TJP3: variants seen among roughly 807,000 people sequenced by gnomAD.
The protein encoded by TJP3 is tight junction protein ZO-3.
TJP3 carries 85 observed loss-of-function variants against 104.2 expected under a neutral mutation model. The observed-to-expected ratio is 0.82, with a 90% CI of 0.68 to 0.98. TJP3 has a LOEUF of 0.98. Ranked by LOEUF, TJP3 falls within the 50% of genes least tolerant of loss-of-function variation. The pLI, the probability that TJP3 is intolerant of heterozygous loss-of-function variation, is 0.00. For synonymous variants in TJP3, 550 were observed against 550.6 expected (o/e 1.00, Z 0.02); for missense variants, 1,367 against 1,322.8 (o/e 1.03, Z -0.52).
intron 1 of TJP3, among the ~76,000 whole-genome samples, chr19:3,727,353 C>T (rs895234858): frequency 1.3e-5 from 2 of 151,242 alleles, no homozygotes; most frequent in Non-Finnish European, 2.9e-5. Context: ...CATGGTGGCA[C>T]ATGCCTGTAG....
At chr19:3,749,975 T>C (rs2036968194) in intron 19 of TJP3, among the ~76,000 whole-genome samples, 163 bp from the exon 20 acceptor site, 2 of 152,030 alleles carry the variant, frequency 1.3e-5, no homozygotes, top group Non-Finnish European at 2.9e-5. Flanking sequence ...CCAGCCTCAG[T>C]TTTCTCATTT....
chr19:3,735,699 G>A, intron 9 of TJP3, 60 bp downstream of exon 9: 3 of 1,609,002 alleles, frequency 1.9e-6, no homozygotes, highest in Middle Eastern at 1.7e-4. Context: ...CAGCAAGGCT[G>A]TGCCAGGCAG....
intron 8 of TJP3, among the ~76,000 whole-genome samples, chr19:3,734,824 G>C (rs1008853592): frequency 6.6e-6 from 1 of 152,132 alleles, no homozygotes; most frequent in African/African-American, 2.4e-5. Context: ...CGTGGTGCCG[G>C]GTGCCTGTAA....
Position 3,750,178 on chromosome 19 carries a change from G to A in TJP3, c.2651G>A (p.Ser884Asn). ...RHPQGQWRQD[S>N]MRTYEREALK... is the part of the protein sequence containing the mutation. ...CCCCAGGGACAGTGGCGACAGGACA[G>A]CATGCGGTAAGAACCCCATATTCCA... Residue 884 changes from serine (S) to asparagine (N), a missense_variant, in exon 20 of 21, where the codon AGC becomes AAC. Transcript: ENST00000541714. The A allele has an allele frequency of 6.2e-7, 1 of 1,611,188 alleles. No individual in the cohort carries two copies. The highest frequency in any genetic ancestry group is 1.1e-5 in the South Asian group (1 of 90,882).
At chr19:3,723,806 A>AT (rs1555737875) in intron 1 of TJP3, among the ~76,000 whole-genome samples, 146 of 96,326 alleles carry the variant, frequency 1.5e-3, no homozygotes, top group Non-Finnish European at 1.6e-3. Context: ...AGAAAAAAAA[A>AT]AAATATATAT....
Position 3,746,201 on chromosome 19 carries a change from GC to G in TJP3, c.2010+124del. On this transcript the variant is annotated intron_variant, in intron 16 of 20. Transcript: ENST00000541714. This position sits in a 1 kb window ranked among gnomAD's most constrained non-coding sequence, Gnocchi z 4.1. ...CCCCACAAGTGCAGTCTTCCATAGAGCCCCTTTTGGAGGCTTTGTGAGGCAG... is the reference window on the plus strand; with the variant it reads ...CCCCACAAGTGCAGTCTTCCATAGAGCCCTTTTGGAGGCTTTGTGAGGCAG... 9.2e-7 allele frequency: 1 copy of G among 1,090,968 alleles called. No individual in the cohort carries two copies. The highest frequency in any genetic ancestry group is 1.3e-6 in the Non-Finnish European group (1 of 747,140). The allele number at this position is 1,090,968 out of a possible 1,614,324, so 67.6% of individuals were successfully genotyped here.
intron 1 of TJP3, among the ~76,000 whole-genome samples, chr19:3,723,042 G>A (rs1002265283): frequency 1.3e-5 from 2 of 152,180 alleles, no homozygotes; most frequent in Non-Finnish European, 2.9e-5. Context: ...GGGCAGGGCT[G>A]GGAACTCAGG....
At chr19:3,718,047 C>G (rs897485365) in intron 1 of TJP3, among the ~76,000 whole-genome samples, 12 of 151,778 alleles carry the variant, frequency 7.9e-5, no homozygotes, top group African/African-American at 2.7e-4. Context: ...AACCCCATCT[C>G]TACTAAAAGT....
chr19:3,749,350 A>T (rs1362157881), intron 19 of TJP3, among the ~76,000 whole-genome samples: 1 of 151,248 alleles, frequency 6.6e-6, no homozygotes, highest in Admixed American at 6.6e-5. Flanking sequence ...TTTATTTTTT[A>T]AATTTTAGAG....
At chr19:3,720,443 G>C (rs1177357982) in intron 1 of TJP3, among the ~76,000 whole-genome samples, 2 of 152,132 alleles carry the variant, frequency 1.3e-5, no homozygotes, top group African/African-American at 4.8e-5. Flanking sequence ...CCCTCCTCCA[G>C]GCAGCCTTTC....
chr19:3,746,461 C>T lies in TJP3; in HGVS notation c.2011-24C>T. Reference sequence around the variant, plus strand: ...TTACCCTGCTGCAATCCCCCTCACCCCAACGTCCGCCGGCCTGGCCCAGGA... The same window carrying T: ...TTACCCTGCTGCAATCCCCCTCACCTCAACGTCCGCCGGCCTGGCCCAGGA... On this transcript the variant is annotated intron_variant, in intron 16 of 20. Coordinates refer to ENST00000541714, the MANE Select transcript of TJP3 (RefSeq NM_001267560.2). The surrounding 1 kb of genome is among the most constrained non-coding windows in gnomAD (Gnocchi z 4.1). The T allele has an allele frequency of 6.2e-7, 1 of 1,612,826 alleles. No homozygotes were observed. The highest frequency in any genetic ancestry group is 8.5e-7 in the Non-Finnish European group (1 of 1,179,492).
At position 3,732,050 on chromosome 19, in the gene TJP3, C is replaced by A; in HGVS notation, c.717+12C>A. ...ATCTCATTCTACAGGTGAGGCCGGGCTTCTTGTCCTGAGAGCAGGGAGACA... is the reference window on the plus strand; with the variant it reads ...ATCTCATTCTACAGGTGAGGCCGGGATTCTTGTCCTGAGAGCAGGGAGACA... On this transcript the variant is annotated intron_variant, in intron 6 of 20. Coordinates refer to ENST00000541714, the MANE Select transcript of TJP3 (RefSeq NM_001267560.2). 1 of 1,607,566 alleles carries A rather than the reference C, an allele frequency of 6.2e-7. No individual in the cohort carries two copies. The highest frequency in any genetic ancestry group is 8.5e-7 in the Non-Finnish European group (1 of 1,177,506).
At chr19:3,719,091 T>G (rs571065649) in intron 1 of TJP3, among the ~76,000 whole-genome samples, 12 of 150,952 alleles carry the variant, frequency 7.9e-5, no homozygotes, top group East Asian at 6.0e-4. Flanking sequence ...GGCTGAGGCA[T>G]GAGAATGGTG....
At chr19:3,710,784 C>A (rs549109962) in intron 1 of TJP3, among the ~76,000 whole-genome samples, 2 of 152,164 alleles carry the variant, frequency 1.3e-5, no homozygotes, top group South Asian at 4.2e-4. Context: ...GGCCAAGCTT[C>A]CTGCTCTCGT....
chr19:3,717,337 A>C (rs2036488550), intron 1 of TJP3, among the ~76,000 whole-genome samples: 1 of 125,940 alleles, frequency 7.9e-6, no homozygotes, highest in South Asian at 3.1e-4. Context: ...TCCTGACCTC[A>C]AGTGATTCGG....
chr19:3,733,844 G>T lies in TJP3; in HGVS notation c.809G>T (p.Arg270Ile). 6.2e-7 allele frequency: 1 copy of T among 1,614,234 alleles called. No homozygotes were observed. Among genetic ancestry groups the T allele is most frequent in the Non-Finnish European group, 8.5e-7 (1 of 1,180,040 alleles). ...GGGAAGCTAAGCCTGCTGGTGCTGA[G>T]AGATCGTGGGCAGTTCCTGGTGAAC... ...SEGKLSLLVL[R>I]DRGQFLVNIP... The change falls in exon 7 of 21, where the codon AGA becomes ATA. Residue 270 changes from arginine to isoleucine, a missense_variant. By Grantham distance (97) the Arg-to-Ile change is moderately conservative (BLOSUM62 -3). Coordinates refer to ENST00000541714, the MANE Select transcript of TJP3 (RefSeq NM_001267560.2).
At chr19:3,717,712 G>T (rs2036494425) in intron 1 of TJP3, among the ~76,000 whole-genome samples, 1 of 152,072 alleles carries the variant, frequency 6.6e-6, no homozygotes, top group Non-Finnish European at 1.5e-5. Context: ...GGGATGACAG[G>T]CATGAGCCAC....
chr19:3,709,841 C>A (rs2145658617), intron 1 of TJP3, among the ~76,000 whole-genome samples: 1 of 152,224 alleles, frequency 6.6e-6, no homozygotes, highest in Non-Finnish European at 1.5e-5. Context: ...GCCTCTGTTT[C>A]CTGCTCTGTA....
rs765184232 is a variant in TJP3, at chr19:3,728,386, G to C, written c.-9-38G>C. 8.1e-6 allele frequency: 13 copies of C among 1,614,080 alleles called. No homozygotes were observed. The Admixed American group carries it at 2.2e-4, about 27-fold the overall frequency. On this transcript the variant is annotated intron_variant, in intron 1 of 20. Coordinates refer to ENST00000541714, the MANE Select transcript of TJP3 (RefSeq NM_001267560.2). ...CCCCCAAGTGCTCAGATGAACCTGT[G>C]TGGCCTCATGCCCATCTTCCCCGCT...
Sources: allele counts gnomAD v4.1 joint callset (sites outside exome capture counted in the v4.1 genomes callset), GRCh38; gene constraint gnomAD v4.1.1; non-coding constraint Gnocchi (gnomAD v3.1); transcripts MANE v1.5; gene names NCBI Gene and HGNC (gene_info 2026-07-23, HGNC 2026-07-21).